The following CPED1 variants were observed in gnomAD, a reference collection of about 807,000 sequenced individuals.
The protein encoded by CPED1 is cadherin like and PC-esterase domain containing 1, also known as cadherin-like and PC-esterase domain-containing protein 1.
In CPED1, 114 loss-of-function variants were observed where a neutral mutation model predicts 128.2. The observed-to-expected ratio is 0.89, with a 90% confidence interval of 0.76 to 1.04. The LOEUF is 1.04. CPED1 is among the 50% of genes least tolerant of loss of function. The pLI is 0.00. For missense variants in CPED1, 1,211 were observed against 1,207.1 expected (o/e 1.00, Z -0.05); for synonymous variants, 462 against 426.7 (o/e 1.08, Z -1.02).
At chr7:121,187,763 C>T (rs149610478) in intron 16 of CPED1, among the ~76,000 whole-genome samples, 218 of 152,226 alleles carry the variant, frequency 1.4e-3, no homozygotes, top group Non-Finnish European at 2.7e-3. Context: ...AAAATCTCTA[C>T]TAACCAGCAG....
At chr7:121,281,669 A>G (rs942911237) in intron 22 of CPED1, among the ~76,000 whole-genome samples, 9 of 152,198 alleles carry the variant, frequency 5.9e-5, no homozygotes, top group Non-Finnish European at 8.8e-5. Flanking sequence ...AAGATCTTAT[A>G]CTTATAAAAC....
chr7:121,108,894 C>T (rs2116256128), intron 7 of CPED1, among the ~76,000 whole-genome samples: 1 of 152,122 alleles, frequency 6.6e-6, no homozygotes, highest in South Asian at 2.1e-4. Flanking sequence ...AAACTTTTTT[C>T]CTTGGAAAAA....
intron 3 of CPED1, among the ~76,000 whole-genome samples, chr7:121,021,233 A>G (rs1169476044): frequency 6.6e-6 from 1 of 151,940 alleles, no homozygotes; most frequent in African/African-American, 2.4e-5. Context: ...ACAGATCACT[A>G]CTTAATGTTG....
At chr7:121,074,509 G>GTTCTTTTTTTTTTTTTTT (rs1794072950) in intron 5 of CPED1, among the ~76,000 whole-genome samples, 1 of 80,838 alleles carries the variant, frequency 1.2e-5, no homozygotes, top group Admixed American at 2.0e-4. Flanking sequence ...TTTCCTTTGT[G>GTTCTTTTTTTTTTTTTTT]TTTTTTTTTT....
Position 121,225,058 on chromosome 7 carries a change from C to A in CPED1, c.2056-11656C>A, listed in dbSNP as rs543479845. Among the ~76,000 whole-genome samples the A allele has an allele frequency of 8.5e-5, 13 of 152,198 alleles. No individual in the cohort carries two copies. The South Asian group carries it at 2.7e-3, about 32-fold the overall frequency. On this transcript the variant is annotated intron_variant, in intron 16 of 22. Coordinates refer to ENST00000310396, the MANE Select transcript of CPED1 (RefSeq NM_024913.5). ...TTTTGCCTGTTAATTGATGCAGTTTCTTCATAGCATCGATGGTCTTTACAA... is the reference window on the plus strand; with the variant it reads ...TTTTGCCTGTTAATTGATGCAGTTTATTCATAGCATCGATGGTCTTTACAA...
At chr7:121,261,401 C>T (rs1222959780) in intron 18 of CPED1, among the ~76,000 whole-genome samples, 1 of 151,964 alleles carries the variant, frequency 6.6e-6, no homozygotes, top group Non-Finnish European at 1.5e-5. Flanking sequence ...AGTTTTTCCC[C>T]AGGAAGACTT....
At chr7:121,236,115 A>C (rs1049481964) in intron 16 of CPED1, among the ~76,000 whole-genome samples, 1 of 152,136 alleles carries the variant, frequency 6.6e-6, no homozygotes, top group African/African-American at 2.4e-5. Context: ...AGGAAGAAGG[A>C]GAGAAGTTTC....
intron 15 of CPED1, among the ~76,000 whole-genome samples, chr7:121,141,397 T>C (rs768722383): frequency 3.3e-5 from 5 of 152,088 alleles, no homozygotes; most frequent in Non-Finnish European, 7.4e-5. Context: ...TCACTGGCTT[T>C]TTTTCCTATT....
chr7:121,198,301 G>C (rs1352992833), intron 16 of CPED1, among the ~76,000 whole-genome samples: 1 of 152,104 alleles, frequency 6.6e-6, no homozygotes, highest in Non-Finnish European at 1.5e-5. Flanking sequence ...AGTGTCATGA[G>C]CACACATCTT....
At chr7:121,250,239 T>G (rs1190658465) in intron 18 of CPED1, among the ~76,000 whole-genome samples, 1 of 151,734 alleles carries the variant, frequency 6.6e-6, no homozygotes, top group African/African-American at 2.4e-5. Flanking sequence ...CATAACGAAA[T>G]GAAGGCAGAA....
chr7:121,101,825 A>G (rs1001780523), intron 7 of CPED1, among the ~76,000 whole-genome samples: 1 of 152,070 alleles, frequency 6.6e-6, no homozygotes, highest in African/African-American at 2.4e-5. Context: ...TAATAGAGGG[A>G]GAACTCACCA....
chr7:121,020,115 A>G lies in CPED1; in HGVS notation c.433+4267A>G, dbSNP rs538314148. ...AAAAGGATATACAAATAAACAAATT[A>G]TGTATATTATAATCCATGTGAAAAA... On this transcript the variant is annotated intron_variant, in intron 3 of 22. Coordinates refer to ENST00000310396, the MANE Select transcript of CPED1 (RefSeq NM_024913.5). Among the ~76,000 whole-genome samples the G allele has an allele frequency of 2.0e-5, 3 of 152,194 alleles. No individual in the cohort carries two copies. In the South Asian group the frequency reaches 6.2e-4, roughly 32 times the overall value.
At chr7:121,062,240 C>T (rs150941480) in intron 4 of CPED1, among the ~76,000 whole-genome samples, 22 of 152,266 alleles carry the variant, frequency 1.4e-4, no homozygotes, top group Non-Finnish European at 2.5e-4. Context: ...GTTAAGGATT[C>T]TATTAATTCA....
intron 18 of CPED1, among the ~76,000 whole-genome samples, chr7:121,246,278 A>G (rs1195531816): frequency 6.6e-6 from 1 of 152,180 alleles, no homozygotes; most frequent in African/African-American, 2.4e-5. Context: ...CTGTAAAATA[A>G]CCCTCTGTGG....
chr7:121,108,135 A>G (rs964293830), intron 7 of CPED1, among the ~76,000 whole-genome samples: 2 of 152,112 alleles, frequency 1.3e-5, no homozygotes, highest in Non-Finnish European at 2.9e-5. Context: ...CTATTGTACA[A>G]ATAGTCTGAG....
intron 2 of CPED1, among the ~76,000 whole-genome samples, chr7:121,003,179 G>A (rs1361875570): frequency 1.3e-5 from 2 of 151,976 alleles, no homozygotes; most frequent in Non-Finnish European, 1.5e-5. Context: ...CCCAAACAAC[G>A]TCCCCACCCA....
chr7:121,157,852 C>T (rs937359975), intron 16 of CPED1, among the ~76,000 whole-genome samples: 2 of 152,096 alleles, frequency 1.3e-5, no homozygotes, highest in Non-Finnish European at 2.9e-5. Context: ...GCAGGATTGC[C>T]AGTTCACTGA....
chr7:121,233,856 T>A (rs1798191410), intron 16 of CPED1, among the ~76,000 whole-genome samples: 1 of 152,068 alleles, frequency 6.6e-6, no homozygotes, highest in African/African-American at 2.4e-5. Context: ...GTAAAAAGTG[T>A]AGAGGTAGCT....
At chr7:121,253,737 T>C (rs1005573892) in intron 18 of CPED1, among the ~76,000 whole-genome samples, 5 of 151,944 alleles carry the variant, frequency 3.3e-5, no homozygotes, top group Admixed American at 6.6e-5. Flanking sequence ...AAGAAAGTTA[T>C]ACCATACAAA....
Sources: gnomAD v4.1 joint callset for allele counts (sites outside exome capture counted in the v4.1 genomes callset) on GRCh38, gnomAD v4.1.1 for gene constraint, MANE v1.5 for transcripts, NCBI Gene and HGNC (gene_info 2026-07-23, HGNC 2026-07-21) for gene names.